The following DAAM1 variants were observed in gnomAD, a reference collection of about 807,000 sequenced individuals.
DAAM1 encodes the protein disheveled-associated activator of morphogenesis 1.
A neutral mutation model predicts 130.0 loss-of-function variants in DAAM1; 52 were observed. That is an observed-to-expected ratio of 0.40 (90% CI 0.32 to 0.50). The LOEUF (loss-of-function observed/expected upper bound fraction) is 0.50. DAAM1 is among the 20% of genes least tolerant of loss of function. DAAM1 has a pLI of 0.61. For synonymous variants in DAAM1, 452 were observed against 444.5 expected (o/e 1.02, Z -0.21); for missense variants, 1,134 against 1,303.8 (o/e 0.87, Z 2.01).
intron 1 of DAAM1, among the ~76,000 whole-genome samples, chr14:59,224,872 C>T (rs1165260166): frequency 9.9e-5 from 15 of 152,136 alleles, no homozygotes; most frequent in Admixed American, 9.2e-4. Flanking sequence ...CTTCCTTGCT[C>T]CTTCCACTGT....
At chr14:59,201,259 G>A (rs374310692) in intron 1 of DAAM1, among the ~76,000 whole-genome samples, 9 of 151,998 alleles carry the variant, frequency 5.9e-5, no homozygotes, top group African/African-American at 2.2e-4. Flanking sequence ...TTCGGGAAAT[G>A]TAGTTATAGT....
At position 59,361,893 on chromosome 14, in the gene DAAM1, G is replaced by A. The variant is rs191557709; in HGVS notation, c.2694+1031G>A. On this transcript the variant is annotated intron_variant, in intron 22 of 24. Coordinates refer to ENST00000360909, the MANE Select transcript of DAAM1 (RefSeq NM_001270520.2). ...GCTGTGAGGACTCTCCCTTCTTTTC[G>A]TTTTTGAATCACAAAACTGCCATAG... is the stretch of plus-strand genomic sequence containing the variant. Among the ~76,000 whole-genome samples, 15 of 151,936 alleles carry A rather than the reference G, an allele frequency of 9.9e-5. No homozygotes were observed. In the East Asian group the frequency reaches 1.2e-3, roughly 12 times the overall value.
intron 2 of DAAM1, among the ~76,000 whole-genome samples, chr14:59,269,013 TGAACAGAA>T (rs1882591701): frequency 6.6e-6 from 1 of 152,232 alleles, no homozygotes; most frequent in Non-Finnish European, 1.5e-5. Context: ...TCCCTTGGAA[TGAACAGAA>T]GAATGAGTCA....
chr14:59,199,301 A>G (rs926741610), intron 1 of DAAM1, among the ~76,000 whole-genome samples: 1 of 152,026 alleles, frequency 6.6e-6, no homozygotes, highest in Middle Eastern at 3.2e-3. Context: ...CTTTTTTTAA[A>G]TTTGACATGA....
chr14:59,216,144 A>C (rs1375941537), intron 1 of DAAM1, among the ~76,000 whole-genome samples: 1 of 152,144 alleles, frequency 6.6e-6, no homozygotes, highest in Non-Finnish European at 1.5e-5. Context: ...TTGTCCAGCC[A>C]TACCTCCTCT....
At position 59,253,722 on chromosome 14, in the gene DAAM1, G is replaced by A. The variant is rs181001538; in HGVS notation, c.-37-9719G>A. 1.4e-4 allele frequency among the ~76,000 whole-genome samples: 22 copies of A among 152,284 alleles called. No individual in the cohort carries two copies. In the East Asian group the frequency reaches 4.2e-3, roughly 29 times the overall value. ...ATAATATTTGAGAAGGAACAAGATT[G>A]AACAACATCTGGTTTGGGGCTGTGA... On this transcript the variant is annotated intron_variant, in intron 1 of 24. Coordinates refer to ENST00000360909, the MANE Select transcript of DAAM1 (RefSeq NM_001270520.2).
At chr14:59,307,159 A>T (rs1884409314) in intron 3 of DAAM1, among the ~76,000 whole-genome samples, 1 of 152,236 alleles carries the variant, frequency 6.6e-6, no homozygotes, top group African/African-American at 2.4e-5. Context: ...TAGCACTCTT[A>T]AGAGTCATCT....
rs398025271 is a variant in DAAM1 at position 59,370,144 on chromosome 14, C to CTTTTTTTTTTTTTTTTTTTTT, written c.*1291_*1311dup. 46 of 95,376 alleles carry CTTTTTTTTTTTTTTTTTTTTT rather than the reference C, an allele frequency of 4.8e-4. No homozygotes were observed. The highest frequency in any genetic ancestry group is 7.8e-4 in the Non-Finnish European group (36 of 46,354). The allele number at this position is 95,376 out of a possible 1,614,324, so 5.9% of individuals were successfully genotyped here. A position where few individuals can be genotyped will look rare whatever the true frequency, so the allele number is the denominator to read the frequency against. On this transcript the variant is annotated 3_prime_UTR_variant, in exon 25 of 25. Transcript: ENST00000360909. ...TATAAAGAGGACTGTTACTTTTTTACTTTTTTTTTTTTTTTTTTTTTTTTT... is the reference window on the plus strand; with the variant it reads ...TATAAAGAGGACTGTTACTTTTTTACTTTTTTTTTTTTTTTTTTTTTTTTTTTTTTTTTTTTTTTTTTTTTT...
intron 1 of DAAM1, among the ~76,000 whole-genome samples, chr14:59,259,548 T>A (rs12888995): frequency 0.19 from 28,475 of 152,132 alleles, 3,158 homozygotes; most frequent in Non-Finnish European, 0.25. Flanking sequence ...ACAGACCTTG[T>A]CAGTAGTCCC....
intron 1 of DAAM1, among the ~76,000 whole-genome samples, chr14:59,218,249 T>C (rs549573195): frequency 2.1e-4 from 32 of 152,338 alleles, no homozygotes; most frequent in Admixed American, 1.0e-3. Context: ...GGATAAAACA[T>C]TGCCATCATC....
chr14:59,222,878 G>A (rs992775090), intron 1 of DAAM1, among the ~76,000 whole-genome samples: 15 of 152,220 alleles, frequency 9.9e-5, no homozygotes, highest in African/African-American at 2.7e-4. Context: ...ATAATTGCAT[G>A]TCTGGCCATT....
chr14:59,213,565 C>T (rs1888492386), intron 1 of DAAM1, among the ~76,000 whole-genome samples: 1 of 152,104 alleles, frequency 6.6e-6, no homozygotes, highest in Non-Finnish European at 1.5e-5. Flanking sequence ...GACACCACCA[C>T]CAGCTGTGAG....
At chr14:59,253,784 G>A (rs545566861) in intron 1 of DAAM1, among the ~76,000 whole-genome samples, 4 of 152,330 alleles carry the variant, frequency 2.6e-5, no homozygotes, top group African/African-American at 9.6e-5. Context: ...AGGGGACCCT[G>A]TCTAGGCCTC....
At chr14:59,338,285 C>G in intron 15 of DAAM1, 1 of 1,206,136 alleles carries the variant, frequency 8.3e-7, no homozygotes, top group Non-Finnish European at 1.2e-6. Flanking sequence ...CCCTACATCA[C>G]TTGTTTCCTT....
intron 1 of DAAM1, among the ~76,000 whole-genome samples, chr14:59,189,574 C>T (rs1478273440): frequency 6.6e-6 from 1 of 152,098 alleles, no homozygotes; most frequent in Non-Finnish European, 1.5e-5. Context: ...GCCCTGAAGC[C>T]CTGGGCCAGG....
intron 1 of DAAM1, among the ~76,000 whole-genome samples, chr14:59,237,824 A>G (rs1889348724): frequency 6.6e-6 from 1 of 152,098 alleles, no homozygotes; most frequent in South Asian, 2.1e-4. Flanking sequence ...AGTCCCATAT[A>G]TTCCTTTGAA....
At chr14:59,264,021 C>A (rs1882313073) in intron 2 of DAAM1, 3 of 318,700 alleles carry the variant, frequency 9.4e-6, no homozygotes, top group African/African-American at 4.3e-5. Flanking sequence ...TACTTCACAC[C>A]TATTGGGATT....
intron 1 of DAAM1, among the ~76,000 whole-genome samples, chr14:59,195,000 T>G (rs1319183206): frequency 1.3e-5 from 2 of 152,248 alleles, no homozygotes; most frequent in African/African-American, 4.8e-5. Context: ...AGGAAAGCTA[T>G]GCCTTAACGG....
intron 1 of DAAM1, among the ~76,000 whole-genome samples, chr14:59,202,865 T>C (rs1888149942): frequency 1.3e-5 from 2 of 152,218 alleles, no homozygotes; most frequent in African/African-American, 4.8e-5. Context: ...ATCTTCTACC[T>C]CCTGTTCTTT....
Sources: allele counts gnomAD v4.1 joint callset (sites outside exome capture counted in the v4.1 genomes callset), GRCh38; gene constraint gnomAD v4.1.1; transcripts MANE v1.5; gene names NCBI Gene and HGNC (gene_info 2026-07-23, HGNC 2026-07-21).